PARP8: variants seen among roughly 807,000 people sequenced by gnomAD.
PARP8 encodes protein mono-ADP-ribosyltransferase PARP8.
A neutral mutation model predicts 124.1 loss-of-function variants in PARP8; 51 were observed. The observed-to-expected ratio is 0.41, with a 90% CI of 0.33 to 0.52. PARP8 has a LOEUF of 0.52. PARP8 is among the 20% of genes least tolerant of loss of function. PARP8 has a pLI of 0.21. For missense variants in PARP8, 860 were observed against 1,018.9 expected, an observed-to-expected ratio of 0.84 and a Z score of 2.12; for synonymous variants, 391 against 361.5, an observed-to-expected ratio of 1.08 and a Z score of -0.93.
rs1372913432 is a variant in PARP8 at position 50,721,206 on chromosome 5, A to G, written c.147-28945A>G. ...TCCAATGGCAGCATTCCTGATCTTA[A>G]GAAAAGTCTGTCTCACCTGCGTATA... is the stretch of plus-strand genomic sequence containing the variant. On this transcript the variant is annotated intron_variant, in intron 2 of 25. Transcript: ENST00000281631. Among the ~76,000 whole-genome samples, 3 of 152,002 alleles carry G rather than the reference A, an allele frequency of 2.0e-5. No individual in the cohort carries two copies. The East Asian group carries it at 5.8e-4, about 29-fold the overall frequency.
At chr5:50,769,037 A>G (rs1473598290) in intron 7 of PARP8, among the ~76,000 whole-genome samples, 2 of 152,208 alleles carry the variant, frequency 1.3e-5, no homozygotes, top group Admixed American at 6.5e-5. Flanking sequence ...ATGTTCTGCT[A>G]TGTTGAAGAA....
At chr5:50,734,612 C>T (rs1485894755) in intron 2 of PARP8, among the ~76,000 whole-genome samples, 2 of 152,080 alleles carry the variant, frequency 1.3e-5, no homozygotes, top group Non-Finnish European at 2.9e-5. Flanking sequence ...ATATAATTCT[C>T]ATCTAAATTG....
At chr5:50,739,996 A>G (rs1757883166) in intron 2 of PARP8, among the ~76,000 whole-genome samples, 1 of 151,358 alleles carries the variant, frequency 6.6e-6, no homozygotes, top group Non-Finnish European at 1.5e-5. Flanking sequence ...TGATCCACCC[A>G]CCTTGGCCTC....
In PARP8 at chr5:50,828,044, C is replaced by A; in HGVS notation, c.2078C>A (p.Thr693Asn). The part of the protein sequence containing the change: ...FRAAKKLFGS[T>N]FAFHGSHIEN... Reference sequence around the variant, plus strand: ...GCTGCTAAAAAACTCTTTGGAAGCACCTTTGCATTTCAGTGAGTAAGGCTT... The same window carrying A: ...GCTGCTAAAAAACTCTTTGGAAGCAACTTTGCATTTCAGTGAGTAAGGCTT... The change falls in exon 20 of 26, where the codon ACC becomes AAC. Residue 693 changes from threonine to asparagine, a missense_variant. This residue lies in a region of PARP8 where 343 missense variants were observed against 474.7 expected (regional missense o/e 0.72). Coordinates refer to ENST00000281631, the MANE Select transcript of PARP8 (RefSeq NM_024615.4). 1 of 1,605,306 alleles carries A rather than the reference C, an allele frequency of 6.2e-7. No individual in the cohort carries two copies. The highest frequency in any genetic ancestry group is 8.5e-7 in the Non-Finnish European group (1 of 1,172,198).
chr5:50,700,701 C>T (rs183365258), intron 2 of PARP8, among the ~76,000 whole-genome samples: 1 of 152,234 alleles, frequency 6.6e-6, no homozygotes, highest in African/African-American at 2.4e-5. Flanking sequence ...TTGACTATTG[C>T]TTATATTTAA....
chr5:50,792,237 C>T (rs1205820103), intron 10 of PARP8, among the ~76,000 whole-genome samples: 1 of 152,074 alleles, frequency 6.6e-6, no homozygotes, highest in Non-Finnish European at 1.5e-5. Flanking sequence ...TACTGAAGTC[C>T]CTTCATGGTT....
chr5:50,712,152 A>C (rs1216521529), intron 2 of PARP8, among the ~76,000 whole-genome samples: 1 of 152,172 alleles, frequency 6.6e-6, no homozygotes, highest in African/African-American at 2.4e-5. Context: ...GTGAAATGGC[A>C]GAAACTAAAT....
intron 14 of PARP8, among the ~76,000 whole-genome samples, chr5:50,798,839 T>C (rs1163511171): frequency 6.6e-6 from 1 of 152,234 alleles, no homozygotes; most frequent in African/African-American, 2.4e-5. Context: ...TTTGAGCATC[T>C]TTTCATGTGC....
chr5:50,784,642 CT>C (rs893990622), intron 9 of PARP8, among the ~76,000 whole-genome samples: 3 of 152,000 alleles, frequency 2.0e-5, no homozygotes, highest in African/African-American at 7.2e-5. Context: ...TAACTTTGAC[CT>C]TTTTTAAGAA....
At chr5:50,764,054 T>C (rs529529812) in intron 7 of PARP8, among the ~76,000 whole-genome samples, 1 of 152,344 alleles carries the variant, frequency 6.6e-6, no homozygotes, top group Admixed American at 6.5e-5. Flanking sequence ...CTGCTGTCTG[T>C]ATTTAAGCCC....
intron 2 of PARP8, among the ~76,000 whole-genome samples, chr5:50,673,052 A>C (rs955165247): frequency 6.6e-6 from 1 of 152,206 alleles, no homozygotes; most frequent in Non-Finnish European, 1.5e-5. Context: ...TTCTCTTGGC[A>C]ATGGGACTTT....
At chr5:50,751,113 G>A (rs1437760139) in intron 3 of PARP8, among the ~76,000 whole-genome samples, 3 of 151,678 alleles carry the variant, frequency 2.0e-5, no homozygotes, top group Non-Finnish European at 2.9e-5. Context: ...TTAAGTCAAG[G>A]TAATAGAAAT....
intron 2 of PARP8, among the ~76,000 whole-genome samples, chr5:50,712,432 G>T (rs1268456723): frequency 6.6e-6 from 1 of 152,060 alleles, no homozygotes; most frequent in Non-Finnish European, 1.5e-5. Context: ...GAGCTTTTTA[G>T]AATCTATTCA....
chr5:50,759,800 G>A, intron 4 of PARP8, 68 bp downstream of exon 4: 2 of 1,456,252 alleles, frequency 1.4e-6, no homozygotes, highest in Non-Finnish European at 1.8e-6. Flanking sequence ...TTGTTTGTTT[G>A]TTTGTTTCAT....
At chr5:50,748,228 A>C (rs1407982644) in intron 2 of PARP8, among the ~76,000 whole-genome samples, 1 of 151,412 alleles carries the variant, frequency 6.6e-6, no homozygotes, top group Non-Finnish European at 1.5e-5. Context: ...CTATAGGGAT[A>C]TTTCCTTTTC....
rs150515348 is a variant in PARP8 at position 50,839,830 on chromosome 5, T to C, written c.2463-2136T>C. ...CCACTAACTTCTAATGCTTTTTAAG[T>C]GTCAGGGTACATATAATATTTGGGT... On this transcript the variant is annotated intron_variant, in intron 25 of 25. Coordinates refer to ENST00000281631, the MANE Select transcript of PARP8 (RefSeq NM_024615.4). Among the ~76,000 whole-genome samples, 219 of 152,076 alleles carry C rather than the reference T, an allele frequency of 1.4e-3. 1 individual carries two copies. Among genetic ancestry groups the C allele is most frequent in the Admixed American group, 2.9e-3 (44 of 15,230 alleles).
intron 2 of PARP8, among the ~76,000 whole-genome samples, chr5:50,702,238 A>T (rs1031622350): frequency 1.7e-4 from 26 of 152,066 alleles, no homozygotes; most frequent in African/African-American, 2.7e-4. Context: ...AGTTTTTTTT[A>T]AAAAAGATAA....
intron 25 of PARP8, among the ~76,000 whole-genome samples, chr5:50,841,472 G>GA (rs1748170157): frequency 6.6e-6 from 1 of 151,746 alleles, no homozygotes; most frequent in East Asian, 1.9e-4. Flanking sequence ...CCAGTGATAA[G>GA]AAAAAAGGGC....
rs370430096 is a variant in PARP8, at chr5:50,722,633, T to C, written c.147-27518T>C. 7.2e-5 allele frequency among the ~76,000 whole-genome samples: 11 copies of C among 152,242 alleles called. No homozygotes were observed. The East Asian group carries it at 1.5e-3, about 21-fold the overall frequency. On this transcript the variant is annotated intron_variant, in intron 2 of 25. Coordinates refer to ENST00000281631, the MANE Select transcript of PARP8 (RefSeq NM_024615.4). ...AAAAAACTATTTGCTTCTCAGACCG[T>C]TGGGCCCCTGGAATCCAACTGTGTG...
Sources: allele counts gnomAD v4.1 joint callset (sites outside exome capture counted in the v4.1 genomes callset), GRCh38; gene constraint gnomAD v4.1.1; regional missense constraint gnomAD v4.1.1; transcripts MANE v1.5; gene names NCBI Gene and HGNC (gene_info 2026-07-23, HGNC 2026-07-21).